Variants in KIF18B observed in about 807,000 individuals in gnomAD.
KIF18B encodes kinesin family member 18B.
KIF18B carries 49 observed loss-of-function variants against 80.9 expected under a neutral mutation model. The ratio of observed to expected loss-of-function variants is 0.61; its 90% CI spans 0.48 to 0.77. KIF18B has a LOEUF of 0.77. KIF18B is among the 30% of genes least tolerant of loss of function. The probability of loss-of-function intolerance (pLI) is 0.00; values close to 1 mark genes in which losing one functional copy is unlikely to be tolerated. For missense variants in KIF18B, 994 were observed against 1,127.7 expected, an observed-to-expected ratio of 0.88 and a Z score of 1.70; for synonymous variants, 439 against 463.9, an observed-to-expected ratio of 0.95 and a Z score of 0.69.
chr17:44,936,439 C>G lies in KIF18B; in HGVS notation c.-14-81G>C, dbSNP rs964775346. The G allele has an allele frequency of 3.4e-6, 4 of 1,173,878 alleles. No individual in the cohort carries two copies. In the East Asian group the frequency reaches 7.7e-5, roughly 23 times the overall value. The allele number at this position is 1,173,878 out of a possible 1,614,324, so 72.7% of individuals were successfully genotyped here. On this transcript the variant is annotated intron_variant, in intron 1 of 15. Coordinates refer to ENST00000593135, the MANE Select transcript of KIF18B (RefSeq NM_001265577.2). Reference sequence around the variant, plus strand: ...CCCCCTCAGTACTCCAAGGTCCCCTCCACCCACTCCCAATGACTGGTCTCT... The same window carrying G: ...CCCCCTCAGTACTCCAAGGTCCCCTGCACCCACTCCCAATGACTGGTCTCT...
chr17:44,947,509 T>A (rs2052534931), intron 1 of KIF18B, 119 bp downstream of exon 1: 1 of 152,286 alleles, frequency 6.6e-6, no homozygotes, highest in Non-Finnish European at 1.5e-5. Context: ...CGCCGCACCT[T>A]GACGTCCAGC....
chr17:44,924,749 G>C lies in KIF18B; in HGVS notation c.*1331C>G, dbSNP rs1237902106. 9 of 152,034 alleles carry C rather than the reference G, an allele frequency of 5.9e-5. No homozygotes were observed. The East Asian group carries it at 1.7e-3, about 29-fold the overall frequency. The allele number at this position is 152,034 out of a possible 1,614,324, so 9.4% of individuals were successfully genotyped here. ...GTTTATTGTTATACCAAAAATATAT[G>C]TATATATCTATATATATATGCAGAA... On this transcript the variant is annotated 3_prime_UTR_variant, in exon 16 of 16. Transcript: ENST00000593135.
rs1024351009 is a variant in KIF18B at position 44,931,260 on chromosome 17, C to T, written c.1517+342G>A. 5.9e-5 allele frequency among the ~76,000 whole-genome samples: 9 copies of T among 152,364 alleles called. No homozygotes were observed. The East Asian group carries it at 1.7e-3, about 29-fold the overall frequency. On this transcript the variant is annotated intron_variant, in intron 11 of 15. Transcript: ENST00000593135. Reference sequence around the variant, plus strand: ...CAGCCTGACGTTCAGCTTCCCTTGGCTGTCCCCTCCTTGCTGTGGAGGGGC... The same window carrying T: ...CAGCCTGACGTTCAGCTTCCCTTGGTTGTCCCCTCCTTGCTGTGGAGGGGC...
At chr17:44,943,353 G>C (rs531421752) in intron 1 of KIF18B, among the ~76,000 whole-genome samples, 22 of 152,272 alleles carry the variant, frequency 1.4e-4, no homozygotes, top group African/African-American at 5.1e-4. Flanking sequence ...ACCCGCCTCG[G>C]CCTCCCAAAG....
intron 1 of KIF18B, 53 bp from the exon 2 acceptor site, chr17:44,936,411 G>A (rs1446098568): frequency 1.3e-5 from 20 of 1,504,510 alleles, no homozygotes; most frequent in Non-Finnish European, 1.8e-5. Flanking sequence ...GCCTGACCAG[G>A]TGCCCCCTCA....
At position 44,928,879 on chromosome 17, in the gene KIF18B, A is replaced by T; in HGVS notation, c.1663T>A (p.Leu555Met). The change falls in exon 12 of 16, where the codon TTG becomes ATG. Residue 555 changes from leucine to methionine, a missense_variant. By Grantham distance (15) the Leu-to-Met change is conservative (BLOSUM62 2). Coordinates refer to ENST00000593135, the MANE Select transcript of KIF18B (RefSeq NM_001265577.2). ...CCCCTGGCCAGGCCTGAAGTCCTCA[A>T]GGCCTCTGCCCCAGGCTCAATTTTT... ...EEKIEPGAEALRTSGLARGAP... is the reference protein window; with the variant it reads ...EEKIEPGAEAMRTSGLARGAP... 1 of 1,613,936 alleles carries T rather than the reference A, an allele frequency of 6.2e-7. No individual in the cohort carries two copies. The highest frequency in any genetic ancestry group is 8.5e-7 in the Non-Finnish European group (1 of 1,179,850).
rs1427752234 is a variant in KIF18B, at chr17:44,928,914, A to G, written c.1628T>C (p.Val543Ala). The G allele has an allele frequency of 9.3e-6, 15 of 1,613,930 alleles. No individual in the cohort carries two copies. The highest frequency in any genetic ancestry group is 2.2e-5 in the East Asian group (1 of 44,872). ...CCCAGGCTCAATTTTTTCCTCTTGCACCAGCTGCTGTAGGGTCTCAAACTC... is the reference window on the plus strand; with the variant it reads ...CCCAGGCTCAATTTTTTCCTCTTGCGCCAGCTGCTGTAGGGTCTCAAACTC... ...ITEFETLQQL[V>A]QEEKIEPGAE... The change falls in exon 12 of 16, where the codon GTG (valine) becomes GCG (alanine). Residue 543 changes from valine to alanine, a missense_variant. Val to Ala is a moderately conservative substitution (Grantham distance 64). Coordinates refer to ENST00000593135, the MANE Select transcript of KIF18B (RefSeq NM_001265577.2).
chr17:44,931,354 C>A (rs2052141738), intron 11 of KIF18B, among the ~76,000 whole-genome samples: 2 of 152,226 alleles, frequency 1.3e-5, no homozygotes, highest in Non-Finnish European at 2.9e-5. Flanking sequence ...GGTCTGCTGG[C>A]TGCCTGGATG....
Position 44,928,140 on chromosome 17 carries a change from T to C in KIF18B, c.2162A>G (p.Asn721Ser), listed in dbSNP as rs747328006. Residue 721 changes from asparagine (N) to serine (S), a missense_variant, in exon 13 of 16, where the codon AAT (asparagine) becomes AGT (serine). Transcript: ENST00000593135. ...TPLALPTRDL[N>S]ATFDLSEEPP... ...CTCCTCAGAGAGATCAAAGGTGGCA[T>C]TGAGGTCTCGAGTGGGCAGAGCCAG... The C allele has an allele frequency of 6.8e-6, 11 of 1,606,552 alleles. No individual in the cohort carries two copies. Among genetic ancestry groups the C allele is most frequent in the South Asian group, 3.3e-5 (3 of 90,350 alleles).
chr17:44,933,054 G>A, intron 7 of KIF18B, 68 bp from the exon 8 acceptor site: 1 of 1,439,604 alleles, frequency 6.9e-7, no homozygotes. Context: ...CACCGCCGAT[G>A]GCCAGGCACT....
intron 1 of KIF18B, among the ~76,000 whole-genome samples, chr17:44,942,591 A>G (rs1250373123): frequency 6.6e-6 from 1 of 152,108 alleles, no homozygotes; most frequent in Admixed American, 6.5e-5. Context: ...TCACAACCCT[A>G]ATACACTTGT....
chr17:44,925,033 C>A lies in KIF18B; in HGVS notation c.*1047G>T, dbSNP rs2051996391. 6.6e-6 allele frequency: 1 copy of A among 152,152 alleles called. No homozygotes were observed. Among genetic ancestry groups the A allele is most frequent in the African/African-American group, 2.4e-5 (1 of 41,386 alleles). The allele number at this position is 152,152 out of a possible 1,614,324, so 9.4% of individuals were successfully genotyped here. The stretch of plus-strand genomic sequence containing the variant: ...GAAACCAGGAAGAGCCAAGCCGCGA[C>A]TCCCCGCTCCCCAACCCATCCTCAT... On this transcript the variant is annotated 3_prime_UTR_variant, in exon 16 of 16. Transcript: ENST00000593135.
At chr17:44,931,936 G>C in intron 10 of KIF18B, 120 bp downstream of exon 10, 1 of 1,231,342 alleles carries the variant, frequency 8.1e-7, no homozygotes, top group Non-Finnish European at 1.1e-6. Flanking sequence ...TGACTAAGGT[G>C]CAAGACATCC....
chr17:44,940,318 G>A (rs552669163), intron 1 of KIF18B, among the ~76,000 whole-genome samples: 1 of 152,330 alleles, frequency 6.6e-6, no homozygotes, highest in South Asian at 2.1e-4. Flanking sequence ...TGCCCATTAG[G>A]AAGGTAGGAA....
Position 44,947,762 on chromosome 17 carries a change from T to TG in KIF18B, c.-150dup, listed in dbSNP as rs1567804032. 2 of 152,256 alleles carry TG rather than the reference T, an allele frequency of 1.3e-5. No individual in the cohort carries two copies. Among genetic ancestry groups the TG allele is most frequent in the Admixed American group, 6.5e-5 (1 of 15,286 alleles). The allele number at this position is 152,256 out of a possible 1,614,324, so 9.4% of individuals were successfully genotyped here. On this transcript the variant is annotated 5_prime_UTR_variant, in exon 1 of 16. Coordinates refer to ENST00000593135, the MANE Select transcript of KIF18B (RefSeq NM_001265577.2). The stretch of plus-strand genomic sequence containing the variant: ...CCGCGCCAACCTCCACCCGGCGCCT[T>TG]GCGTTCAAATTAGCCGGGCGGGCCG...
At chr17:44,946,060 CA>C (rs57457345) in intron 1 of KIF18B, among the ~76,000 whole-genome samples, 37,558 of 132,548 alleles carry the variant, frequency 0.28, 6,458 homozygotes, top group African/African-American at 0.53. Flanking sequence ...TCTCTACTTC[CA>C]AAAAAAAAAA....
intron 1 of KIF18B, among the ~76,000 whole-genome samples, chr17:44,939,176 GC>G (rs1166503217): frequency 1.1e-4 from 16 of 151,734 alleles, no homozygotes; most frequent in Non-Finnish European, 1.8e-4. Flanking sequence ...TTTGAGACCA[GC>G]CTGGCCAACA....
In KIF18B at chr17:44,927,827, C is replaced by A. The variant is rs2052060308; in HGVS notation, c.2276+199G>T. On this transcript the variant is annotated intron_variant, in intron 13 of 15. Transcript: ENST00000593135. The surrounding 1 kb of genome is among the most constrained non-coding windows in gnomAD (Gnocchi z 4.1). ...GGGTGGCTTTGCAGCATGGACAGAC[C>A]AGGCAGGGGCCCCAGGAGAAGTGAC... 1.3e-5 allele frequency among the ~76,000 whole-genome samples: 2 copies of A among 152,226 alleles called. No individual in the cohort carries two copies. The highest frequency in any genetic ancestry group is 4.8e-5 in the African/African-American group (2 of 41,458).
At chr17:44,933,011 T>C (rs1399700705) in intron 7 of KIF18B, 25 bp from the exon 8 acceptor site, 3 of 1,591,148 alleles carry the variant, frequency 1.9e-6, no homozygotes, top group Admixed American at 1.7e-5. Context: ...AGGAGAGAGA[T>C]TTATTTGTTC....
Sources: gnomAD v4.1 joint callset for allele counts (sites outside exome capture counted in the v4.1 genomes callset) on GRCh38, gnomAD v4.1.1 for gene constraint, Gnocchi (gnomAD v3.1) non-coding constraint, MANE v1.5 for transcripts, NCBI Gene and HGNC (gene_info 2026-07-23, HGNC 2026-07-21) for gene names.